The following GARNL3 variants were observed in gnomAD, a reference collection of about 807,000 sequenced individuals.
GARNL3 encodes the protein GTPase activating Rap/RanGAP domain like 3.
Under a neutral mutation model 125.0 loss-of-function variants are expected in GARNL3, and 63 were observed. That is an observed-to-expected ratio of 0.50 (90% CI 0.41 to 0.62). The LOEUF is 0.62. Among genes scored for constraint, GARNL3 ranks in the 20% least tolerant of loss-of-function variants. The pLI is 0.00. For missense variants in GARNL3, 994 were observed against 1,244.0 expected (o/e 0.80, Z 3.02); for synonymous variants, 439 against 457.5 (o/e 0.96, Z 0.52).
intron 1 of GARNL3, among the ~76,000 whole-genome samples, chr9:127,269,199 T>C (rs1307858297): frequency 6.6e-6 from 1 of 152,172 alleles, no homozygotes; most frequent in Non-Finnish European, 1.5e-5. Flanking sequence ...AAGGTCTCTC[T>C]ATGTTGTCCA....
intron 5 of GARNL3, among the ~76,000 whole-genome samples, chr9:127,320,216 G>A (rs776650236): frequency 2.6e-5 from 4 of 152,092 alleles, no homozygotes; most frequent in Admixed American, 6.5e-5. Flanking sequence ...CTAGAAGTTC[G>A]TTATTATTTT....
chr9:127,269,787 T>G (rs896801993), intron 1 of GARNL3, among the ~76,000 whole-genome samples: 38 of 20,938 alleles, frequency 1.8e-3, no homozygotes, highest in African/African-American at 3.3e-3. Context: ...GTTTTTTGTG[T>G]TTTTTTTTTT....
chr9:127,372,557 G>A (rs745562528), intron 22 of GARNL3, among the ~76,000 whole-genome samples: 11 of 151,996 alleles, frequency 7.2e-5, no homozygotes, highest in Non-Finnish European at 1.5e-4. Flanking sequence ...AGTTTTCCTG[G>A]GTCTTACTTA....
chr9:127,390,612 G>C, intron 26 of GARNL3, 29 bp from the exon 27 acceptor site: 1 of 1,610,498 alleles, frequency 6.2e-7, no homozygotes, highest in Non-Finnish European at 8.5e-7. Flanking sequence ...CTGTGGTAGT[G>C]ACCCTCTGAC....
chr9:127,365,212 G>A (rs1213702446), intron 21 of GARNL3, 88 bp from the exon 22 acceptor site: 5 of 1,090,174 alleles, frequency 4.6e-6, no homozygotes, highest in African/African-American at 3.1e-5. Flanking sequence ...AGAGGGCCTC[G>A]GCCTCCACAA....
intron 13 of GARNL3, among the ~76,000 whole-genome samples, chr9:127,340,292 T>TA (rs1588889134): frequency 6.6e-6 from 1 of 152,154 alleles, no homozygotes; most frequent in East Asian, 1.9e-4. Context: ...ACTCTACTGG[T>TA]AATACCCAAA....
At chr9:127,288,452 G>A (rs191642173) in intron 1 of GARNL3, among the ~76,000 whole-genome samples, 136 of 152,300 alleles carry the variant, frequency 8.9e-4, no homozygotes, top group African/African-American at 3.0e-3. Flanking sequence ...GTGAGGAGCC[G>A]CTTGGAGAGG....
chr9:127,379,926 TC>T, intron 22 of GARNL3, among the ~76,000 whole-genome samples: 1 of 152,170 alleles, frequency 6.6e-6, no homozygotes, highest in Non-Finnish European at 1.5e-5. Flanking sequence ...ACACTTGTAA[TC>T]CCAGCGCTTT....
chr9:127,365,083 CTTTTCTTTCTTTT>C, intron 21 of GARNL3: 1 of 487,118 alleles, frequency 2.1e-6, no homozygotes, highest in Non-Finnish European at 3.6e-6. Context: ...AATGGAGAGA[CTTTTCTTTCTTTT>C]TTTTCTTTTC....
Position 127,325,108 on chromosome 9 carries a change from A to G in GARNL3, c.594+13A>G, listed in dbSNP as rs373413001. Reference sequence around the variant, plus strand: ...TGAAGAACAAGAGGTGAGTAATTCTATGGAGATATTTGCACCTGCTCTGCC... The same window carrying G: ...TGAAGAACAAGAGGTGAGTAATTCTGTGGAGATATTTGCACCTGCTCTGCC... On this transcript the variant is annotated intron_variant, in intron 7 of 27. Transcript: ENST00000373387. 2.3e-5 allele frequency: 37 copies of G among 1,612,134 alleles called. No homozygotes were observed. The highest frequency in any genetic ancestry group is 1.5e-4 in the African/African-American group (11 of 75,006).
chr9:127,387,340 C>T lies in GARNL3; in HGVS notation c.2527+9C>T, dbSNP rs754266942. ...TTCTTCCCTGGGGGAAGGTGAAGTC[C>T]AAGTTTTACTGTTTTATTAATATTT... On this transcript the variant is annotated intron_variant, in intron 25 of 27. Coordinates refer to ENST00000373387, the MANE Select transcript of GARNL3 (RefSeq NM_032293.5). The T allele has an allele frequency of 1.2e-6, 2 of 1,606,314 alleles. No individual in the cohort carries two copies. Among genetic ancestry groups the T allele is most frequent in the South Asian group, 2.2e-5 (2 of 90,002 alleles).
At chr9:127,269,595 A>T (rs1588718564) in intron 1 of GARNL3, among the ~76,000 whole-genome samples, 1 of 152,312 alleles carries the variant, frequency 6.6e-6, no homozygotes, top group South Asian at 2.1e-4. Flanking sequence ...TTCCATTTTT[A>T]AAATAATAGT....
intron 17 of GARNL3, among the ~76,000 whole-genome samples, chr9:127,351,423 A>G (rs1422954672): frequency 1.3e-5 from 2 of 152,062 alleles, no homozygotes; most frequent in East Asian, 3.9e-4. Flanking sequence ...TATGATTTAA[A>G]CTAGTTTTTT....
chr9:127,353,495 T>C (rs1830518429), intron 17 of GARNL3: 1 of 172,342 alleles, frequency 5.8e-6, no homozygotes, highest in Admixed American at 6.4e-5. Flanking sequence ...TTTTTTTTTT[T>C]TTAACTTGGT....
Position 127,313,500 on chromosome 9 carries a change from CTT to C in GARNL3, c.381_382del (p.Ser128Ter). On this transcript the variant is annotated frameshift_variant, in exon 4 of 28. Coordinates refer to ENST00000373387, the MANE Select transcript of GARNL3 (RefSeq NM_032293.5). LOFTEE classifies it high-confidence loss of function. ...GAGCCCTTTCTTCTTGTCCGTGACC[CTT>C]TCTGACCAAAACAATCAACGTGTCC... Reference protein sequence around the residue: ...EKSPFFLSVTLSDQNNQRVPQ... With the variant: ...EKSPFFLSVTXSDQNNQRVPQ... 2 of 1,614,104 alleles carry C rather than the reference CTT, an allele frequency of 1.2e-6. No homozygotes were observed.
At chr9:127,380,734 C>T (rs1832206192) in intron 22 of GARNL3, among the ~76,000 whole-genome samples, 1 of 152,136 alleles carries the variant, frequency 6.6e-6, no homozygotes, top group Non-Finnish European at 1.5e-5. Context: ...AAGGCAAGTC[C>T]ACAGACACAG....
At chr9:127,305,405 T>G (rs1367195830) in intron 2 of GARNL3, among the ~76,000 whole-genome samples, 1 of 152,144 alleles carries the variant, frequency 6.6e-6, no homozygotes, top group Non-Finnish European at 1.5e-5. Context: ...CTGCATGTAT[T>G]TTTGTCTTTA....
At chr9:127,275,425 C>T (rs1328126306) in intron 1 of GARNL3, among the ~76,000 whole-genome samples, 1 of 152,186 alleles carries the variant, frequency 6.6e-6, no homozygotes, top group African/African-American at 2.4e-5. Context: ...ACAAGTTTCC[C>T]TGGGGTTCAG....
chr9:127,379,135 T>C (rs1297419536), intron 22 of GARNL3, among the ~76,000 whole-genome samples: 4 of 152,210 alleles, frequency 2.6e-5, no homozygotes, highest in Non-Finnish European at 5.9e-5. Context: ...GAGGCTTTTA[T>C]AGGGTGAATG....
Sources: allele counts gnomAD v4.1 joint callset (sites outside exome capture counted in the v4.1 genomes callset), GRCh38; gene constraint gnomAD v4.1.1; transcripts MANE v1.5; gene names NCBI Gene and HGNC (gene_info 2026-07-23, HGNC 2026-07-21).